Variants in KIAA1217 observed in about 807,000 individuals in gnomAD.
The protein encoded by KIAA1217 is KIAA1217.
A neutral mutation model predicts 163.9 loss-of-function variants in KIAA1217; 88 were observed. The ratio of observed to expected loss-of-function variants is 0.54; its 90% CI spans 0.45 to 0.64. KIAA1217 has a LOEUF of 0.64. KIAA1217 is among the 30% of genes least tolerant of loss of function. The pLI is 0.00. For synonymous variants in KIAA1217, 903 were observed against 923.1 expected (o/e 0.98, Z 0.39); for missense variants, 2,372 against 2,475.0 (o/e 0.96, Z 0.88).
chr10:24,096,970 G>A (rs1009737497), intron 2 of KIAA1217, among the ~76,000 whole-genome samples: 2 of 152,112 alleles, frequency 1.3e-5, no homozygotes, highest in Admixed American at 1.3e-4. Flanking sequence ...AGAAAAACAA[G>A]TTAAGGTAAT....
chr10:23,959,009 G>T (rs10764436), intron 1 of KIAA1217, among the ~76,000 whole-genome samples: 145,237 of 149,508 alleles, frequency 0.97, 70,590 homozygotes, highest in Middle Eastern at 1. Context: ...TGCCAGCCAC[G>T]CTCTCGAACC....
At chr10:24,159,751 C>A (rs2065036607) in intron 2 of KIAA1217, among the ~76,000 whole-genome samples, 1 of 152,050 alleles carries the variant, frequency 6.6e-6, no homozygotes, top group African/African-American at 2.4e-5. Context: ...CCACTGCGCT[C>A]CAGCCTGGGC....
At chr10:24,501,071 G>GA (rs965441554) in intron 8 of KIAA1217, among the ~76,000 whole-genome samples, 20 of 130,666 alleles carry the variant, frequency 1.5e-4, no homozygotes, top group Admixed American at 5.3e-4. Context: ...GTTAAGAAAA[G>GA]AAAAAAAAAT....
chr10:24,367,190 G>A (rs755992816), intron 2 of KIAA1217: 19 of 983,272 alleles, frequency 1.9e-5, no homozygotes, highest in African/African-American at 1.4e-4. Context: ...AAATTGAATC[G>A]TCTCAGCGAG....
intron 2 of KIAA1217, among the ~76,000 whole-genome samples, chr10:24,328,487 G>A (rs970078799): frequency 3.3e-5 from 4 of 120,682 alleles, no homozygotes; most frequent in African/African-American, 1.3e-4. Flanking sequence ...AGACTGGGGC[G>A]ATCAGTTTTT....
chr10:23,979,153 A>T (rs1845660467), intron 1 of KIAA1217, among the ~76,000 whole-genome samples: 1 of 152,218 alleles, frequency 6.6e-6, no homozygotes, highest in Admixed American at 6.5e-5. Flanking sequence ...ATATCAAATC[A>T]CTTTGAGCCA....
At chr10:23,724,546 A>G (rs959616825) in intron 1 of KIAA1217, among the ~76,000 whole-genome samples, 1 of 152,126 alleles carries the variant, frequency 6.6e-6, no homozygotes, top group Admixed American at 6.6e-5. Flanking sequence ...TAGATTTTTC[A>G]GTAGTGGGAG....
At chr10:24,213,488 A>C (rs1589953931) in intron 1 of KIAA1217, among the ~76,000 whole-genome samples, 1 of 152,292 alleles carries the variant, frequency 6.6e-6, no homozygotes, top group African/African-American at 2.4e-5. Flanking sequence ...CAGCCCCCTC[A>C]GTCTCTGTAC....
chr10:24,493,490 T>A (rs2066405747), intron 6 of KIAA1217, among the ~76,000 whole-genome samples: 1 of 152,258 alleles, frequency 6.6e-6, no homozygotes, highest in Non-Finnish European at 1.5e-5. Flanking sequence ...TTTAACAATG[T>A]GTTGAAAACA....
At chr10:24,336,996 A>G (rs1321438863) in intron 2 of KIAA1217, among the ~76,000 whole-genome samples, 2 of 152,222 alleles carry the variant, frequency 1.3e-5, no homozygotes, top group Admixed American at 1.3e-4. Context: ...ATGACATTGA[A>G]TTTGGCAATG....
intron 2 of KIAA1217, among the ~76,000 whole-genome samples, chr10:24,247,315 G>T (rs1034156929): frequency 6.6e-6 from 1 of 151,694 alleles, no homozygotes; most frequent in African/African-American, 2.4e-5. Context: ...TTTAGAGGCG[G>T]GGTCTCACTG....
chr10:24,043,868 G>A (rs1848798642), intron 2 of KIAA1217, among the ~76,000 whole-genome samples: 1 of 151,940 alleles, frequency 6.6e-6, no homozygotes, highest in East Asian at 1.9e-4. Context: ...TAGACTTAGT[G>A]GGTGAAAATA....
chr10:23,966,519 G>C (rs1845074940), intron 1 of KIAA1217, among the ~76,000 whole-genome samples: 1 of 152,152 alleles, frequency 6.6e-6, no homozygotes, highest in African/African-American at 2.4e-5. Context: ...ACCGTCAGCT[G>C]ACAGCAGGTG....
rs58161228 is a variant in KIAA1217 at position 24,422,901 on chromosome 10, CTT to C, written c.554-10074_554-10073del. Among the ~76,000 whole-genome samples, 760 of 120,536 alleles carry C rather than the reference CTT, an allele frequency of 6.3e-3. 8 individuals are homozygous for C. Among genetic ancestry groups the C allele is most frequent in the African/African-American group, 0.022 (693 of 32,072 alleles). 79.1% of individuals were successfully genotyped at this position (120,536 alleles called of 152,430 possible). ...CTCATATTACTTCCTATAGATTTAA[CTT>C]TTTTTTTTTTTTTTTTTTTGAGACA... is the stretch of plus-strand genomic sequence containing the variant. On this transcript the variant is annotated intron_variant, in intron 3 of 20. Transcript: ENST00000376454.
At chr10:24,419,342 C>T (rs1564645939) in intron 3 of KIAA1217, among the ~76,000 whole-genome samples, 1 of 152,030 alleles carries the variant, frequency 6.6e-6, no homozygotes, top group African/African-American at 2.4e-5. Flanking sequence ...TCTCTTTTGT[C>T]ACTTTTAAAA....
intron 2 of KIAA1217, among the ~76,000 whole-genome samples, chr10:24,164,242 C>T (rs75224949): frequency 0.026 from 3,993 of 152,256 alleles, 65 homozygotes; most frequent in South Asian, 0.051. Context: ...AACAGGCTTC[C>T]GCCCCAGGAC....
intron 1 of KIAA1217, among the ~76,000 whole-genome samples, chr10:23,976,296 CT>C (rs1184768708): frequency 6.6e-6 from 1 of 152,180 alleles, no homozygotes; most frequent in Non-Finnish European, 1.5e-5. Flanking sequence ...GACTGCCCTT[CT>C]TCCTAAGCTA....
rs956225409 is a variant in KIAA1217 at position 23,860,991 on chromosome 10, C to T, written c.-320-146234C>T. Among the ~76,000 whole-genome samples, 13 of 151,676 alleles carry T rather than the reference C, an allele frequency of 8.6e-5. 1 individual carries two copies. The highest frequency in any genetic ancestry group is 7.2e-4 in the Admixed American group (11 of 15,206). Reference sequence around the variant, plus strand: ...TGCAGTGGGGGGTCATAATTCACTGCAGCCTCCACCTCCTGAGCTCCAGCG... The same window carrying T: ...TGCAGTGGGGGGTCATAATTCACTGTAGCCTCCACCTCCTGAGCTCCAGCG... On this transcript the variant is annotated intron_variant, in intron 1 of 18. Coordinates refer to the KIAA1217 transcript ENST00000376462.
intron 1 of KIAA1217, among the ~76,000 whole-genome samples, chr10:24,006,188 T>C (rs1846989912): frequency 6.6e-6 from 1 of 152,210 alleles, no homozygotes; most frequent in South Asian, 2.1e-4. Context: ...TATAATAGCA[T>C]GAGTATTTCA....
Sources: allele counts gnomAD v4.1 joint callset (sites outside exome capture counted in the v4.1 genomes callset), GRCh38; gene constraint gnomAD v4.1.1; transcripts MANE v1.5; gene names NCBI Gene and HGNC (gene_info 2026-07-23, HGNC 2026-07-21).